SEMA3A: variants seen among roughly 807,000 people sequenced by gnomAD.
The protein encoded by SEMA3A is semaphorin-3A.
SEMA3A carries 29 observed loss-of-function variants against 97.9 expected under a neutral mutation model. The observed-to-expected ratio is 0.30, with a 90% CI of 0.22 to 0.40. The LOEUF is 0.40. SEMA3A is among the 10% of genes least tolerant of loss of function. SEMA3A has a pLI of 1.00. For missense variants in SEMA3A, 763 were observed against 951.3 expected (o/e 0.80, Z 2.60); for synonymous variants, 321 against 323.7 (o/e 0.99, Z 0.09).
intron 6 of SEMA3A, among the ~76,000 whole-genome samples, chr7:84,031,248 C>A (rs1275324100): frequency 6.6e-6 from 1 of 151,974 alleles, no homozygotes; most frequent in Non-Finnish European, 1.5e-5. Flanking sequence ...GCCTCAGCCT[C>A]CCAAATTGCT....
chr7:84,050,210 T>A (rs1364819416), intron 5 of SEMA3A, among the ~76,000 whole-genome samples: 1 of 152,086 alleles, frequency 6.6e-6, no homozygotes, highest in African/African-American at 2.4e-5. Flanking sequence ...CATGATTTAT[T>A]GTCCTTTGGG....
intron 1 of SEMA3A, among the ~76,000 whole-genome samples, chr7:84,172,749 A>G (rs1369739147): frequency 3.3e-5 from 5 of 152,166 alleles, no homozygotes; most frequent in Admixed American, 6.5e-5. Flanking sequence ...TTAAAAGTGT[A>G]AAAACTCTTC....
intron 1 of SEMA3A, among the ~76,000 whole-genome samples, chr7:84,387,295 AATAG>A (rs1272775316): frequency 7.2e-5 from 11 of 152,108 alleles, no homozygotes; most frequent in South Asian, 4.1e-4. Context: ...TAAATAAATA[AATAG>A]ATAGATAATA....
chr7:84,483,749 T>TA (rs201494770), intron 1 of SEMA3A, among the ~76,000 whole-genome samples: 5 of 142,878 alleles, frequency 3.5e-5, no homozygotes, highest in East Asian at 2.5e-4. Context: ...TCATACTAAT[T>TA]AAAAAAAAAT....
chr7:84,328,869 C>T (rs1261567576), intron 2 of SEMA3A, among the ~76,000 whole-genome samples: 1 of 151,990 alleles, frequency 6.6e-6, no homozygotes, highest in Non-Finnish European at 1.5e-5. Context: ...ATGAATCACA[C>T]ACAGGGTTAT....
intron 1 of SEMA3A, among the ~76,000 whole-genome samples, chr7:84,398,301 T>C (rs758968751): frequency 2.0e-5 from 3 of 152,206 alleles, no homozygotes; most frequent in Admixed American, 1.3e-4. Context: ...AGGAGCTTTA[T>C]ACCATTTAAT....
chr7:84,253,439 C>A (rs1422837283), intron 3 of SEMA3A, among the ~76,000 whole-genome samples: 7 of 151,516 alleles, frequency 4.6e-5, no homozygotes, highest in Admixed American at 4.6e-4. Context: ...CTATTTGCAA[C>A]TTTAATGAGG....
rs114557254 is a variant in SEMA3A at position 84,126,462 on chromosome 7, T to A, written c.333+2661A>T. 8.6e-3 allele frequency among the ~76,000 whole-genome samples: 1,314 copies of A among 152,210 alleles called. 21 individuals are homozygous for A. The highest frequency in any genetic ancestry group is 0.03 in the African/African-American group (1,253 of 41,538). ...CTCAAGTGATCCATCCTCTCCAGCC[T>A]CCCAAAGTGTTGGGATTACAGGCAT... On this transcript the variant is annotated intron_variant, in intron 3 of 16. Transcript: ENST00000265362.
chr7:84,265,010 A>G (rs1417136100), intron 3 of SEMA3A, among the ~76,000 whole-genome samples: 1 of 152,128 alleles, frequency 6.6e-6, no homozygotes, highest in Non-Finnish European at 1.5e-5. Context: ...CTCTACCAAT[A>G]GCACTACCAA....
At chr7:84,455,089 A>C (rs999650813) in intron 1 of SEMA3A, among the ~76,000 whole-genome samples, 1 of 151,956 alleles carries the variant, frequency 6.6e-6, no homozygotes, top group African/African-American at 2.4e-5. Context: ...ATAGTATTGT[A>C]ATATATTAAT....
At chr7:84,282,826 C>G (rs946322819) in intron 3 of SEMA3A, among the ~76,000 whole-genome samples, 5 of 151,848 alleles carry the variant, frequency 3.3e-5, no homozygotes, top group African/African-American at 1.2e-4. Context: ...CCAGCGTGGC[C>G]AACATTGTGA....
intron 12 of SEMA3A, among the ~76,000 whole-genome samples, chr7:83,992,659 T>C (rs1412068100): frequency 6.6e-6 from 1 of 151,556 alleles, no homozygotes; most frequent in Non-Finnish European, 1.5e-5. Flanking sequence ...TGAGTTCTAG[T>C]TTGATTGCAC....
intron 14 of SEMA3A, 106 bp downstream of exon 14, chr7:83,981,215 A>T: frequency 8.0e-7 from 1 of 1,248,324 alleles, no homozygotes; most frequent in Non-Finnish European, 1.1e-6. Flanking sequence ...AAATCTTTTT[A>T]TTCATTAGAA....
intron 2 of SEMA3A, among the ~76,000 whole-genome samples, chr7:84,343,528 A>G (rs768215045): frequency 5.3e-5 from 8 of 152,186 alleles, no homozygotes; most frequent in Non-Finnish European, 1.0e-4. Context: ...CTAAATACTG[A>G]GTGACTATGG....
intron 3 of SEMA3A, among the ~76,000 whole-genome samples, chr7:84,305,163 T>G (rs1024391126): frequency 7.9e-5 from 12 of 151,824 alleles, no homozygotes; most frequent in Non-Finnish European, 1.5e-4. Flanking sequence ...GTCTACGCTT[T>G]TAAATAATTA....
At chr7:84,299,372 A>C (rs1243981527) in intron 3 of SEMA3A, among the ~76,000 whole-genome samples, 40 of 142,334 alleles carry the variant, frequency 2.8e-4, no homozygotes, top group Middle Eastern at 3.7e-3. Flanking sequence ...CTCCCTCTAT[A>C]TATATATATA....
At chr7:83,967,388 G>A (rs1466724547) in intron 15 of SEMA3A, among the ~76,000 whole-genome samples, 2 of 152,014 alleles carry the variant, frequency 1.3e-5, no homozygotes, top group Non-Finnish European at 2.9e-5. Context: ...AAAAAAGTAC[G>A]AACAGAAATA....
intron 2 of SEMA3A, among the ~76,000 whole-genome samples, chr7:84,340,207 G>A (rs1359334756): frequency 6.6e-6 from 1 of 152,006 alleles, no homozygotes; most frequent in Non-Finnish European, 1.5e-5. Flanking sequence ...CTCTTAAGAG[G>A]AAATTTGAGA....
intron 1 of SEMA3A, chr7:84,372,059 C>G (rs1414012908): frequency 2.0e-5 from 3 of 152,058 alleles, no homozygotes; most frequent in Non-Finnish European, 2.9e-5. Flanking sequence ...TCCTGTCTCT[C>G]AGGCATCGTT....
Sources: gnomAD v4.1 joint callset for allele counts (sites outside exome capture counted in the v4.1 genomes callset) on GRCh38, gnomAD v4.1.1 for gene constraint, MANE v1.5 for transcripts, NCBI Gene and HGNC (gene_info 2026-07-23, HGNC 2026-07-21) for gene names.